PDE7B: variants seen among roughly 807,000 people sequenced by gnomAD.
PDE7B encodes the protein 3',5'-cyclic-AMP phosphodiesterase 7B.
Under a neutral mutation model 56.2 loss-of-function variants are expected in PDE7B, and 29 were observed. The observed-to-expected ratio is 0.52, with a 90% confidence interval of 0.38 to 0.70. The LOEUF (loss-of-function observed/expected upper bound fraction) is 0.70. Ranked by LOEUF, PDE7B falls within the 30% of genes least tolerant of loss-of-function variation. The pLI, the probability that PDE7B is intolerant of heterozygous loss-of-function variation, is 0.00. For synonymous variants in PDE7B, 197 were observed against 196.9 expected (o/e 1.00, Z 0.00); for missense variants, 490 against 565.0 (o/e 0.87, Z 1.35).
chr6:135,914,212 C>G (rs1468089225), intron 1 of PDE7B, among the ~76,000 whole-genome samples: 2 of 152,258 alleles, frequency 1.3e-5, no homozygotes, highest in East Asian at 3.9e-4. Flanking sequence ...TTTACCTTTT[C>G]ATTGACATAT....
At chr6:135,976,931 G>A (rs988274851) in intron 2 of PDE7B, among the ~76,000 whole-genome samples, 4 of 152,154 alleles carry the variant, frequency 2.6e-5, no homozygotes, top group African/African-American at 4.8e-5. Flanking sequence ...GGGCATTGAT[G>A]TCTTTACCTA....
chr6:136,078,701 A>G (rs1172820876), intron 2 of PDE7B, among the ~76,000 whole-genome samples: 1 of 152,154 alleles, frequency 6.6e-6, no homozygotes, highest in Non-Finnish European at 1.5e-5. Flanking sequence ...TCTCCTAAAT[A>G]TCCTTATTTG....
chr6:136,060,820 A>T (rs1776824998), intron 2 of PDE7B, among the ~76,000 whole-genome samples: 1 of 152,208 alleles, frequency 6.6e-6, no homozygotes, highest in South Asian at 2.1e-4. Context: ...TCTCCTCCTG[A>T]TTCTAAGCCT....
chr6:135,977,341 G>A (rs1015539100), intron 2 of PDE7B, among the ~76,000 whole-genome samples: 3 of 152,130 alleles, frequency 2.0e-5, no homozygotes, highest in African/African-American at 7.2e-5. Context: ...GAAAACATTT[G>A]ATGAGGGGCC....
At chr6:136,021,188 A>G (rs1583832610) in intron 2 of PDE7B, among the ~76,000 whole-genome samples, 1 of 152,328 alleles carries the variant, frequency 6.6e-6, no homozygotes, top group East Asian at 1.9e-4. Flanking sequence ...CCTACTTGAC[A>G]TCAACTTAGG....
intron 8 of PDE7B, among the ~76,000 whole-genome samples, chr6:136,163,451 C>T (rs1778742600): frequency 6.6e-6 from 1 of 152,208 alleles, no homozygotes; most frequent in Non-Finnish European, 1.5e-5. Context: ...TAGGCCCTGG[C>T]CCAGGAAACC....
chr6:136,050,073 C>T (rs1776597729), intron 2 of PDE7B, among the ~76,000 whole-genome samples: 1 of 152,126 alleles, frequency 6.6e-6, no homozygotes, highest in Admixed American at 6.5e-5. Context: ...TTGACTCAGC[C>T]ACGCTGCTGG....
chr6:136,101,719 A>G (rs908648282), intron 2 of PDE7B, among the ~76,000 whole-genome samples: 10 of 152,152 alleles, frequency 6.6e-5, no homozygotes, highest in Non-Finnish European at 1.3e-4. Flanking sequence ...CCATACCTAA[A>G]TGTTCTACCA....
chr6:136,002,833 G>C (rs1775698656), intron 2 of PDE7B, among the ~76,000 whole-genome samples: 1 of 152,004 alleles, frequency 6.6e-6, no homozygotes, highest in Non-Finnish European at 1.5e-5. Context: ...ATTGAACTCA[G>C]CTCTGCACCA....
intron 1 of PDE7B, among the ~76,000 whole-genome samples, chr6:135,935,103 CTATA>C (rs1488116437): frequency 1.0e-4 from 8 of 80,294 alleles, no homozygotes; most frequent in Non-Finnish European, 1.7e-4. Flanking sequence ...ATATATTTCT[CTATA>C]TATTTTATAT....
At chr6:136,133,498 C>A (rs59797510) in intron 3 of PDE7B, among the ~76,000 whole-genome samples, 12,976 of 152,070 alleles carry the variant, frequency 0.085, 1,869 homozygotes, top group African/African-American at 0.3. Flanking sequence ...GTGAATCTTG[C>A]TTGTTCTGGA....
chr6:135,991,741 G>C (rs917893862), intron 2 of PDE7B, among the ~76,000 whole-genome samples: 2 of 152,176 alleles, frequency 1.3e-5, no homozygotes, highest in Non-Finnish European at 2.9e-5. Context: ...GACAAAACCA[G>C]CTGAAGGCAG....
chr6:136,156,201 G>GTGTGTT, intron 8 of PDE7B: 1 of 326,602 alleles, frequency 3.1e-6, no homozygotes, highest in African/African-American at 2.2e-5. Context: ...GTGTGTGTGT[G>GTGTGTT]TTTTCAGAAA....
chr6:136,144,114 T>C (rs987159699), intron 3 of PDE7B, among the ~76,000 whole-genome samples: 1 of 152,114 alleles, frequency 6.6e-6, no homozygotes. Flanking sequence ...TTGATTTCAT[T>C]CTATATAGAG....
intron 1 of PDE7B, among the ~76,000 whole-genome samples, chr6:135,894,283 C>A (rs1304221730): frequency 1.3e-5 from 2 of 151,976 alleles, no homozygotes; most frequent in South Asian, 2.1e-4. Context: ...TATTATTTTT[C>A]TTTTAATTGA....
intron 8 of PDE7B, among the ~76,000 whole-genome samples, chr6:136,161,038 A>T (rs796952646): frequency 1.3e-5 from 2 of 152,306 alleles, no homozygotes; most frequent in African/African-American, 4.8e-5. Context: ...AGATCTTCAC[A>T]CCCATGCTCT....
At chr6:135,971,237 C>A (rs1376583098) in intron 2 of PDE7B, among the ~76,000 whole-genome samples, 1 of 152,134 alleles carries the variant, frequency 6.6e-6, no homozygotes, top group East Asian at 1.9e-4. Context: ...AACATGAAGG[C>A]AGTCATCGAC....
intron 1 of PDE7B, among the ~76,000 whole-genome samples, chr6:135,905,167 TAAAAG>T (rs1776074763): frequency 6.6e-6 from 1 of 152,156 alleles, no homozygotes; most frequent in South Asian, 2.1e-4. Context: ...TGATTGAAAA[TAAAAG>T]AACTAAAAAA....
intron 2 of PDE7B, among the ~76,000 whole-genome samples, chr6:135,951,573 A>C (rs1362674198): frequency 2.6e-5 from 4 of 152,178 alleles, no homozygotes; most frequent in Non-Finnish European, 4.4e-5. Flanking sequence ...TGGGAAAAGA[A>C]ACTTTCAAGA....
Sources: gnomAD v4.1 joint callset for allele counts (sites outside exome capture counted in the v4.1 genomes callset) on GRCh38, gnomAD v4.1.1 for gene constraint, MANE v1.5 for transcripts, NCBI Gene and HGNC (gene_info 2026-07-23, HGNC 2026-07-21) for gene names.